USH2A: variants seen among roughly 807,000 people sequenced by gnomAD.
USH2A encodes the protein usherin, also known as Usher syndrome 2A (autosomal recessive, mild).
Under a neutral mutation model 538.9 loss-of-function variants are expected in USH2A, and 443 were observed. The observed-to-expected ratio is 0.82, with a 90% confidence interval of 0.76 to 0.89. The LOEUF (loss-of-function observed/expected upper bound fraction) is 0.89, where lower values mean the gene tolerates loss of function less well. Ranked by LOEUF, USH2A falls within the 40% of genes least tolerant of loss-of-function variation. The probability of loss-of-function intolerance (pLI) is 0.00; values close to 1 mark genes in which losing one functional copy is unlikely to be tolerated. For missense variants in USH2A, 6,633 were observed against 6,324.8 expected, an observed-to-expected ratio of 1.05 and a Z score of -1.65; for synonymous variants, 2,413 against 2,273.5, an observed-to-expected ratio of 1.06 and a Z score of -1.75.
In USH2A at chr1:215,820,925, C is replaced by CTT. The variant is rs113597900; in HGVS notation, c.9372-3732_9372-3731dup. Among the ~76,000 whole-genome samples, 80 of 151,742 alleles carry CTT rather than the reference C, an allele frequency of 5.3e-4. 4 individuals are homozygous for CTT. In the South Asian group the frequency reaches 0.014, roughly 26 times the overall value. The stretch of plus-strand genomic sequence containing the variant: ...TTGCTGTAAATAATAGGAGTTAAGT[C>CTT]TTTTTTATGGCTGAATAAGAGTCCA... On this transcript the variant is annotated intron_variant, in intron 47 of 71. Transcript: ENST00000307340.
chr1:216,205,492 TA>T (rs2035091684), intron 16 of USH2A, among the ~76,000 whole-genome samples: 1 of 152,184 alleles, frequency 6.6e-6, no homozygotes, highest in African/African-American at 2.4e-5. Context: ...CATAAGAAAC[TA>T]AATTCCAGTT....
At chr1:216,113,901 T>C (rs1467025097) in intron 21 of USH2A, among the ~76,000 whole-genome samples, 2 of 151,688 alleles carry the variant, frequency 1.3e-5, no homozygotes, top group African/African-American at 2.4e-5. Flanking sequence ...GTATTAAATA[T>C]AAAATTTGTA....
At chr1:215,715,700 G>A (rs1659462365) in intron 61 of USH2A, among the ~76,000 whole-genome samples, 1 of 152,172 alleles carries the variant, frequency 6.6e-6, no homozygotes, top group Admixed American at 6.5e-5. Context: ...TTCTGACAGT[G>A]TTCTTAATGA....
At chr1:215,817,486 C>A (rs1662890965) in intron 47 of USH2A, among the ~76,000 whole-genome samples, 1 of 151,820 alleles carries the variant, frequency 6.6e-6, no homozygotes, top group Non-Finnish European at 1.5e-5. Context: ...ATAAGACATA[C>A]ATGACTTGGT....
At chr1:215,936,683 T>G (rs1437324100) in intron 37 of USH2A, among the ~76,000 whole-genome samples, 4 of 152,082 alleles carry the variant, frequency 2.6e-5, no homozygotes, top group Non-Finnish European at 4.4e-5. Flanking sequence ...GATTAAGAAT[T>G]TTGTACTCTG....
intron 30 of USH2A, among the ~76,000 whole-genome samples, chr1:216,055,472 A>G (rs549849105): frequency 1.7e-4 from 26 of 152,336 alleles, no homozygotes; most frequent in South Asian, 1.2e-3. Flanking sequence ...TTTTAAGTAT[A>G]CATCCCAAAC....
intron 61 of USH2A, among the ~76,000 whole-genome samples, chr1:215,689,767 T>C (rs1328272824): frequency 2.0e-5 from 3 of 152,146 alleles, no homozygotes; most frequent in Non-Finnish European, 4.4e-5. Flanking sequence ...AGAAATGAAC[T>C]CTGCTAACAA....
chr1:216,311,836 C>T (rs2037425835), intron 9 of USH2A, among the ~76,000 whole-genome samples: 1 of 151,996 alleles, frequency 6.6e-6, no homozygotes, highest in Non-Finnish European at 1.5e-5. Context: ...CTAGTTCCTC[C>T]CTCTGGTGTC....
At chr1:215,909,266 T>C (rs1373075929) in intron 38 of USH2A, among the ~76,000 whole-genome samples, 1 of 151,754 alleles carries the variant, frequency 6.6e-6, no homozygotes, top group East Asian at 1.9e-4. Context: ...TAAAAAGTGA[T>C]CAGAGTTTGC....
chr1:215,948,667 T>G (rs894215989), intron 37 of USH2A, among the ~76,000 whole-genome samples: 1 of 152,028 alleles, frequency 6.6e-6, no homozygotes, highest in Non-Finnish European at 1.5e-5. Flanking sequence ...CCTCTTGATT[T>G]TTATTATACA....
chr1:216,385,339 A>T (rs2038987701), intron 3 of USH2A, among the ~76,000 whole-genome samples: 1 of 152,176 alleles, frequency 6.6e-6, no homozygotes, highest in African/African-American at 2.4e-5. Context: ...AAAACTGTTG[A>T]CAAAGAGCTT....
chr1:216,293,071 C>T (rs945723193), intron 9 of USH2A, among the ~76,000 whole-genome samples: 1 of 145,622 alleles, frequency 6.9e-6, no homozygotes, highest in African/African-American at 2.6e-5. Context: ...GTTCCCCAGG[C>T]TGGAGTGCAG....
chr1:216,347,169 C>T (rs1371892794), intron 4 of USH2A, among the ~76,000 whole-genome samples: 2 of 151,964 alleles, frequency 1.3e-5, no homozygotes, highest in African/African-American at 2.4e-5. Flanking sequence ...CTAGATAAGG[C>T]CTGGGGACAT....
chr1:215,782,750 T>C lies in USH2A; in HGVS notation c.10573A>G (p.Ile3525Val), dbSNP rs1214766432. The C allele has an allele frequency of 6.2e-7, 1 of 1,613,694 alleles. No homozygotes were observed. The highest frequency in any genetic ancestry group is 8.5e-7 in the Non-Finnish European group (1 of 1,179,816). ...DTIVLNWRKP[I>V]QSNGPIIYYI... Reference sequence around the variant, plus strand: ...GGTATCTCAATACCATTTGATTGTATAGGTTTTCTCCAGTTTAAGACAATT... The same window carrying C: ...GGTATCTCAATACCATTTGATTGTACAGGTTTTCTCCAGTTTAAGACAATT... The change falls in exon 53 of 72, where the codon ATA becomes GTA. Residue 3525 changes from isoleucine (I) to valine (V), a missense_variant. Ile to Val is a conservative substitution (Grantham distance 29, BLOSUM62 3). Transcript: ENST00000307340.
intron 11 of USH2A, among the ~76,000 whole-genome samples, chr1:216,259,872 CAAT>C (rs1233866193): frequency 6.6e-6 from 1 of 151,450 alleles, no homozygotes; most frequent in Non-Finnish European, 1.5e-5. Context: ...GCAGAGAAAA[CAAT>C]AATGGAGAAA....
chr1:216,024,599 A>C (rs1344875718), intron 32 of USH2A, among the ~76,000 whole-genome samples: 1 of 152,044 alleles, frequency 6.6e-6, no homozygotes, highest in Non-Finnish European at 1.5e-5. Context: ...CATATAGTTA[A>C]ATTTTTATAA....
intron 47 of USH2A, among the ~76,000 whole-genome samples, chr1:215,836,480 A>ATAATATATATT (rs370092518): frequency 1.2e-4 from 1 of 8,446 alleles, no homozygotes; most frequent in African/African-American, 3.0e-4. Context: ...ATATATATAT[A>ATAATATATATT]ATATATATTA....
intron 21 of USH2A, among the ~76,000 whole-genome samples, chr1:216,157,199 C>A (rs2033965334): frequency 6.6e-6 from 1 of 152,078 alleles, no homozygotes; most frequent in Non-Finnish European, 1.5e-5. Context: ...AGATGACATA[C>A]AAGCAACCAA....
chr1:216,050,607 T>TCTTTCTTTCTTTCTTTC (rs1553294758), intron 30 of USH2A, among the ~76,000 whole-genome samples: 72 of 59,130 alleles, frequency 1.2e-3, no homozygotes, highest in African/African-American at 3.3e-3. Context: ...TTTCTTTCTT[T>TCTTTCTTTCTTTCTTTC]TTTTTTTTTT....
Sources: allele counts gnomAD v4.1 joint callset (sites outside exome capture counted in the v4.1 genomes callset), GRCh38; gene constraint gnomAD v4.1.1; transcripts MANE v1.5; gene names NCBI Gene and HGNC (gene_info 2026-07-23, HGNC 2026-07-21).